Variants in SNX14 observed in about 807,000 individuals in gnomAD.
SNX14 encodes sorting nexin 14, also known as sorting nexin-14.
A neutral mutation model predicts 133.8 loss-of-function variants in SNX14; 93 were observed. The observed-to-expected ratio is 0.70, with a 90% CI of 0.59 to 0.83. SNX14 has a LOEUF of 0.83. SNX14 is among the 40% of genes least tolerant of loss of function. SNX14 has a pLI of 0.00. For missense variants in SNX14, 945 were observed against 1,094.9 expected (o/e 0.86, Z 1.93); for synonymous variants, 368 against 365.6 (o/e 1.01, Z -0.07).
intron 26 of SNX14, among the ~76,000 whole-genome samples, chr6:85,510,585 T>C (rs561807989): frequency 6.6e-6 from 1 of 152,200 alleles, no homozygotes; most frequent in Non-Finnish European, 1.5e-5. Flanking sequence ...TCATTCTTTA[T>C]AGTGTCTTTC....
At chr6:85,544,634 AC>A (rs2128081408) in intron 12 of SNX14, among the ~76,000 whole-genome samples, 1 of 152,304 alleles carries the variant, frequency 6.6e-6, no homozygotes, top group East Asian at 1.9e-4. Context: ...CTCAGTCTCT[AC>A]AAAGAAATTA....
At position 85,542,055 on chromosome 6, in the gene SNX14, CA is replaced by C; in HGVS notation, c.1390-13del. On this transcript the variant is annotated splice_polypyrimidine_tract_variant and intron_variant, in intron 14 of 28. Coordinates refer to ENST00000314673, the MANE Select transcript of SNX14 (RefSeq NM_153816.6). Reference sequence around the variant, plus strand: ...AGTTGTCTGAAATACTTTAAAATAACAAATAATAATTATCATTTATTACACT... The same window carrying C: ...AGTTGTCTGAAATACTTTAAAATAACAATAATAATTATCATTTATTACACT... 1 of 1,510,866 alleles carries C rather than the reference CA, an allele frequency of 6.6e-7. No homozygotes were observed. Among genetic ancestry groups the C allele is most frequent in the South Asian group, 1.2e-5 (1 of 80,118 alleles). 93.6% of individuals were successfully genotyped at this position (1,510,866 alleles called of 1,614,324 possible).
At chr6:85,550,591 T>C (rs1031362581) in intron 7 of SNX14, among the ~76,000 whole-genome samples, 1 of 152,022 alleles carries the variant, frequency 6.6e-6, no homozygotes, top group African/African-American at 2.4e-5. Flanking sequence ...CTCGACCTCC[T>C]TGGCTCAAGT....
intron 6 of SNX14, chr6:85,561,271 C>T (rs867166104): frequency 1.3e-5 from 2 of 151,648 alleles, no homozygotes; most frequent in South Asian, 4.2e-4. Context: ...TCGCTTGAGC[C>T]TGGAAGGCAC....
At chr6:85,560,412 T>G (rs573666201) in intron 6 of SNX14, among the ~76,000 whole-genome samples, 2 of 152,220 alleles carry the variant, frequency 1.3e-5, no homozygotes, top group African/African-American at 4.8e-5. Context: ...ATTCCATGTA[T>G]ATGAAATGTT....
intron 7 of SNX14, among the ~76,000 whole-genome samples, chr6:85,553,651 TGG>T: frequency 6.6e-6 from 1 of 152,048 alleles, no homozygotes; most frequent in East Asian, 1.9e-4. Flanking sequence ...CCAGGCGTGA[TGG>T]CAGGCGCCTG....
intron 14 of SNX14, among the ~76,000 whole-genome samples, chr6:85,542,649 C>T (rs1278239532): frequency 1.3e-5 from 2 of 152,216 alleles, no homozygotes; most frequent in Non-Finnish European, 2.9e-5. Context: ...CCGCCTCGGC[C>T]TCCCAAAGTG....
chr6:85,593,643 G>T lies in SNX14; in HGVS notation c.76C>A (p.Arg26Ser), dbSNP rs138148199. ...LRLDVGREIC[R>S]QYPLFCFLLL... ...AGGAAGCAGAACAGCGGGTACTGGC[G>T]GCAGATCTCGCGTCCCACGTCCAGT... The change falls in exon 1 of 29, where the codon CGC becomes AGC. Residue 26 changes from arginine (R) to serine (S), a missense_variant. Coordinates refer to ENST00000314673, the MANE Select transcript of SNX14 (RefSeq NM_153816.6). 1 of 1,612,840 alleles carries T rather than the reference G, an allele frequency of 6.2e-7. No homozygotes were observed. The highest frequency in any genetic ancestry group is 2.2e-5 in the East Asian group (1 of 44,870).
At position 85,575,586 on chromosome 6, in the gene SNX14, A is replaced by G. The variant is rs371693633; in HGVS notation, c.141-1208T>C. Among the ~76,000 whole-genome samples, 23 of 152,384 alleles carry G rather than the reference A, an allele frequency of 1.5e-4. 2 individuals are homozygous for G. The highest frequency in any genetic ancestry group is 4.8e-4 in the African/African-American group (20 of 41,594). ...ACAAATATTAAAGAGAAACAAAGAAATGAACAGTGGTAATGCAAGAAGTAA... is the reference window on the plus strand; with the variant it reads ...ACAAATATTAAAGAGAAACAAAGAAGTGAACAGTGGTAATGCAAGAAGTAA... On this transcript the variant is annotated intron_variant, in intron 1 of 28. Transcript: ENST00000314673.
intron 12 of SNX14, among the ~76,000 whole-genome samples, chr6:85,544,676 C>T (rs551524238): frequency 6.6e-5 from 10 of 152,262 alleles, no homozygotes; most frequent in African/African-American, 2.2e-4. Context: ...CCTGTAGTCC[C>T]AGCTACTTCG....
intron 8 of SNX14, among the ~76,000 whole-genome samples, chr6:85,549,046 T>C (rs1231484618): frequency 1.3e-5 from 2 of 151,694 alleles, no homozygotes; most frequent in African/African-American, 4.8e-5. Flanking sequence ...TATATTTAAA[T>C]TAATGTTTAA....
chr6:85,582,547 GAAGA>G (rs1234148589), intron 1 of SNX14, among the ~76,000 whole-genome samples: 1 of 151,196 alleles, frequency 6.6e-6, no homozygotes, highest in African/African-American at 2.4e-5. Flanking sequence ...GACTAATAAA[GAAGA>G]GAGAGAAGAA....
At chr6:85,511,160 C>G (rs1772674257) in intron 26 of SNX14, among the ~76,000 whole-genome samples, 1 of 150,638 alleles carries the variant, frequency 6.6e-6, no homozygotes, top group African/African-American at 2.4e-5. Context: ...CCCAAGTATT[C>G]CACTTTTGGG....
intron 4 of SNX14, among the ~76,000 whole-genome samples, chr6:85,569,980 T>C (rs1795047549): frequency 6.6e-6 from 1 of 152,204 alleles, no homozygotes; most frequent in Admixed American, 6.5e-5. Flanking sequence ...AATCCTGAAA[T>C]ACCCTTTCCC....
At chr6:85,538,184 T>C (rs1782530669) in intron 16 of SNX14, among the ~76,000 whole-genome samples, 1 of 152,120 alleles carries the variant, frequency 6.6e-6, no homozygotes, top group South Asian at 2.1e-4. Context: ...AAATCAAACT[T>C]CTGGAAAAAC....
chr6:85,588,802 T>G, intron 1 of SNX14: 1 of 449,930 alleles, frequency 2.2e-6, no homozygotes, highest in Non-Finnish European at 4.4e-6. Context: ...CTTACAATGA[T>G]GTAAGCTAGA....
chr6:85,587,842 A>T (rs529363641), intron 1 of SNX14, among the ~76,000 whole-genome samples: 3 of 152,354 alleles, frequency 2.0e-5, no homozygotes, highest in Admixed American at 1.3e-4. Context: ...AATTATCATT[A>T]AAGAAATTAA....
rs1562192640 is a variant in SNX14, at chr6:85,514,636, T to C, written c.2269-7A>G. 1.9e-6 allele frequency: 3 copies of C among 1,607,862 alleles called. No homozygotes were observed. The highest frequency in any genetic ancestry group is 1.1e-5 in the South Asian group (1 of 90,948). ...TAAACAGATCATTGAAAAGCTAAAATAAAAGTTGGAATAATAAAGAGATAT... is the reference window on the plus strand; with the variant it reads ...TAAACAGATCATTGAAAAGCTAAAACAAAAGTTGGAATAATAAAGAGATAT... On this transcript the variant is annotated splice_region_variant and splice_polypyrimidine_tract_variant and intron_variant, in intron 23 of 28. Transcript: ENST00000314673.
chr6:85,531,374 C>A (rs780139590), intron 18 of SNX14, among the ~76,000 whole-genome samples: 9 of 152,160 alleles, frequency 5.9e-5, no homozygotes, highest in Non-Finnish European at 8.8e-5. Flanking sequence ...AGAGTAAATA[C>A]CTCATAAATG....
Sources: gnomAD v4.1 joint callset for allele counts (sites outside exome capture counted in the v4.1 genomes callset) on GRCh38, gnomAD v4.1.1 for gene constraint, MANE v1.5 for transcripts, NCBI Gene and HGNC (gene_info 2026-07-23, HGNC 2026-07-21) for gene names.